Variants in CDS2 observed in about 807,000 individuals in gnomAD.
The protein encoded by CDS2 is CDP-diacylglycerol synthase 2, also known as phosphatidate cytidylyltransferase 2.
In CDS2, 47 loss-of-function variants were observed where a neutral mutation model predicts 59.0. The ratio of observed to expected loss-of-function variants is 0.80; its 90% confidence interval spans 0.63 to 1.02. The LOEUF is 1.02. Ranked by LOEUF, CDS2 falls within the 50% of genes least tolerant of loss-of-function variation. CDS2 has a pLI of 0.00. For synonymous variants in CDS2, 207 were observed against 206.4 expected (o/e 1.00, Z -0.02); for missense variants, 356 against 558.9 (o/e 0.64, Z 3.66).
intron 1 of CDS2, among the ~76,000 whole-genome samples, chr20:5,172,962 C>T (rs116527128): frequency 6.4e-4 from 98 of 152,310 alleles, no homozygotes; most frequent in African/African-American, 2.1e-3. Context: ...GACTGAGGTG[C>T]ACCAGTCCTG....
At chr20:5,180,577 G>A (rs1242956469) in intron 5 of CDS2, among the ~76,000 whole-genome samples, 2 of 152,036 alleles carry the variant, frequency 1.3e-5, no homozygotes, top group Admixed American at 1.3e-4. Context: ...CTTGATTTTG[G>A]AGGGGTTTGG....
chr20:5,185,670 G>GA, intron 8 of CDS2, 88 bp from the exon 9 acceptor site: 1 of 1,198,300 alleles, frequency 8.3e-7, no homozygotes, highest in Non-Finnish European at 1.2e-6. Context: ...GGGGTTTTAT[G>GA]AAAGAAAGGT....
rs2091105657 is a variant in CDS2 at position 5,190,465 on chromosome 20, G to C, written c.*231G>C. The C allele has an allele frequency of 2.5e-6, 1 of 399,010 alleles. No individual in the cohort carries two copies. The highest frequency in any genetic ancestry group is 4.4e-6 in the Non-Finnish European group (1 of 225,270). 24.7% of individuals were successfully genotyped at this position (399,010 alleles called of 1,614,324 possible). A position where few individuals can be genotyped will look rare whatever the true frequency, so the allele number is the denominator to read the frequency against. ...GCTTTGAGTTGGAAAGAAGTCACGGGTTGTAAAACCATTTGGATTTTTTTA... is the reference window on the plus strand; with the variant it reads ...GCTTTGAGTTGGAAAGAAGTCACGGCTTGTAAAACCATTTGGATTTTTTTA... On this transcript the variant is annotated 3_prime_UTR_variant, in exon 13 of 13. Transcript: ENST00000460006.
intron 10 of CDS2, 72 bp downstream of exon 10, chr20:5,186,911 C>A (rs750888854): frequency 6.5e-7 from 1 of 1,544,584 alleles, no homozygotes; most frequent in South Asian, 1.1e-5. Context: ...CCTCCATCAC[C>A]TGCCCTCTGA....
rs2091154925 is a variant in CDS2, at chr20:5,196,050, T to C, written c.*5816T>C. Reference sequence around the variant, plus strand: ...TGAAATTCCTAGGTCAGTTGAATAATAACTGAACTACTGGTTTGACTGTGG... The same window carrying C: ...TGAAATTCCTAGGTCAGTTGAATAACAACTGAACTACTGGTTTGACTGTGG... On this transcript the variant is annotated 3_prime_UTR_variant, in exon 13 of 13. Transcript: ENST00000460006. The C allele has an allele frequency of 6.6e-6, 1 of 152,224 alleles. No homozygotes were observed. The highest frequency in any genetic ancestry group is 1.5e-5 in the Non-Finnish European group (1 of 68,042). 9.4% of individuals were successfully genotyped at this position (152,224 alleles called of 1,614,324 possible).
At chr20:5,160,580 T>C (rs1415034497) in intron 1 of CDS2, among the ~76,000 whole-genome samples, 2 of 152,242 alleles carry the variant, frequency 1.3e-5, no homozygotes, top group Non-Finnish European at 2.9e-5. Context: ...TTGATAATTT[T>C]AACCATTTTC....
At chr20:5,176,822 G>C in intron 4 of CDS2, 77 bp downstream of exon 4, 2 of 989,202 alleles carry the variant, frequency 2.0e-6, no homozygotes, top group South Asian at 2.5e-5. Context: ...GTGACGGTGG[G>C]TATTTCTATC....
intron 1 of CDS2, among the ~76,000 whole-genome samples, chr20:5,150,239 C>T (rs1421826428): frequency 6.6e-6 from 1 of 152,180 alleles, no homozygotes; most frequent in African/African-American, 2.4e-5. Flanking sequence ...CATGCAATGA[C>T]CAGTTGTCTG....
chr20:5,162,903 AGAT>A (rs1487328497), intron 1 of CDS2, among the ~76,000 whole-genome samples: 1 of 152,186 alleles, frequency 6.6e-6, no homozygotes, highest in Non-Finnish European at 1.5e-5. Flanking sequence ...ATATATGATA[AGAT>A]GAAGGCAGGG....
chr20:5,147,183 C>G (rs915660776), intron 1 of CDS2, among the ~76,000 whole-genome samples: 1 of 152,162 alleles, frequency 6.6e-6, no homozygotes, highest in South Asian at 2.1e-4. Flanking sequence ...AGACAACTAG[C>G]AGTCTCTGAG....
chr20:5,188,053 TAC>T (rs2091083011), intron 10 of CDS2, among the ~76,000 whole-genome samples: 11 of 137,132 alleles, frequency 8.0e-5, no homozygotes, highest in Admixed American at 7.9e-4. Flanking sequence ...ATTCTTAACG[TAC>T]GTGTGTGTGT....
chr20:5,180,167 T>C (rs1019132233), intron 5 of CDS2, among the ~76,000 whole-genome samples: 7 of 152,310 alleles, frequency 4.6e-5, no homozygotes, highest in African/African-American at 1.7e-4. Flanking sequence ...CTTTCCTTCC[T>C]GGAGAAGGGG....
chr20:5,182,860 G>C (rs1371780506), intron 6 of CDS2, among the ~76,000 whole-genome samples: 1 of 152,228 alleles, frequency 6.6e-6, no homozygotes, highest in Admixed American at 6.5e-5. Flanking sequence ...GCATGGGAGA[G>C]CTCACTCACT....
At chr20:5,147,019 A>G (rs1480321083) in intron 1 of CDS2, among the ~76,000 whole-genome samples, 3 of 152,228 alleles carry the variant, frequency 2.0e-5, no homozygotes, top group Non-Finnish European at 4.4e-5. Flanking sequence ...TGAAAAACGC[A>G]TGATTTCTGC....
At chr20:5,159,486 A>G (rs1339566810) in intron 1 of CDS2, among the ~76,000 whole-genome samples, 2 of 152,096 alleles carry the variant, frequency 1.3e-5, no homozygotes, top group East Asian at 3.9e-4. Flanking sequence ...AGTATATTAT[A>G]GTTTTTTTCT....
chr20:5,182,329 G>T, intron 5 of CDS2, 58 bp from the exon 6 acceptor site: 1 of 1,483,122 alleles, frequency 6.7e-7, no homozygotes, highest in Non-Finnish European at 9.3e-7. Context: ...GCTAAAGGAG[G>T]GCAAAGATAA....
At position 5,197,461 on chromosome 20, in the gene CDS2, T is replaced by A. The variant is rs1397403477; in HGVS notation, c.*7227T>A. 2.6e-5 allele frequency: 4 copies of A among 152,210 alleles called. No homozygotes were observed. The highest frequency in any genetic ancestry group is 9.7e-5 in the African/African-American group (4 of 41,426). 9.4% of individuals were successfully genotyped at this position (152,210 alleles called of 1,614,324 possible). A position where few individuals can be genotyped will look rare whatever the true frequency, so the allele number is the denominator to read the frequency against. On this transcript the variant is annotated 3_prime_UTR_variant, in exon 13 of 13. Transcript: ENST00000460006. Reference sequence around the variant, plus strand: ...GTGTCTGCCCTGGCTCTGTCTCCTCTGTGACAGGGCAGAGCATTTCTGGTC... The same window carrying A: ...GTGTCTGCCCTGGCTCTGTCTCCTCAGTGACAGGGCAGAGCATTTCTGGTC...
rs575151835 is a variant in CDS2, at chr20:5,178,937, C to G, written c.510C>G (p.Ser170=). 1.2e-6 allele frequency: 2 copies of G among 1,614,022 alleles called. No individual in the cohort carries two copies. Among genetic ancestry groups the G allele is most frequent in the Non-Finnish European group, 1.7e-6 (2 of 1,179,946 alleles). The part of the protein sequence containing the change: ...RILSKYHRFI[S]FTLYLIGFCM... The stretch of plus-strand genomic sequence containing the variant: ...TCAGTAAATACCACCGGTTCATTTC[C>G]TTTACTCTCTATCTAATAGGTATGC... Residue 170 remains serine, a synonymous_variant, in exon 5 of 13, where the codon TCC becomes TCG. Transcript: ENST00000460006.
rs563700164 is a variant in CDS2, at chr20:5,161,668, C to T, written c.58-11855C>T. ...ATAGCTGCACAGAAAGTTGATTTACCGTAATTTACCTAATAATTTTTCCTT... is the reference window on the plus strand; with the variant it reads ...ATAGCTGCACAGAAAGTTGATTTACTGTAATTTACCTAATAATTTTTCCTT... On this transcript the variant is annotated intron_variant, in intron 1 of 12. Coordinates refer to ENST00000460006, the MANE Select transcript of CDS2 (RefSeq NM_003818.4). Among the ~76,000 whole-genome samples, 19 of 152,290 alleles carry T rather than the reference C, an allele frequency of 1.2e-4. No individual in the cohort carries two copies. The South Asian group carries it at 3.3e-3, about 27-fold the overall frequency.
Sources: gnomAD v4.1 joint callset for allele counts (sites outside exome capture counted in the v4.1 genomes callset) on GRCh38, gnomAD v4.1.1 for gene constraint, MANE v1.5 for transcripts, NCBI Gene and HGNC (gene_info 2026-07-23, HGNC 2026-07-21) for gene names.